The following ADAM23 variants were observed in gnomAD, a reference collection of about 807,000 sequenced individuals.
ADAM23 encodes ADAM metallopeptidase domain 23, also known as disintegrin and metalloproteinase domain-containing protein 23.
ADAM23 carries 33 observed loss-of-function variants against 120.1 expected under a neutral mutation model. The observed-to-expected ratio is 0.27, with a 90% CI of 0.21 to 0.37. ADAM23 has a LOEUF of 0.37. Among genes scored for constraint, ADAM23 ranks in the 10% least tolerant of loss-of-function variants. The probability of loss-of-function intolerance (pLI) is 1.00; values close to 1 mark genes in which losing one functional copy is unlikely to be tolerated. For missense variants in ADAM23, 862 were observed against 1,058.2 expected (o/e 0.81, Z 2.57); for synonymous variants, 367 against 375.2 (o/e 0.98, Z 0.25).
chr2:206,591,171 T>C (rs1283960923), intron 21 of ADAM23, among the ~76,000 whole-genome samples: 1 of 152,138 alleles, frequency 6.6e-6, no homozygotes, highest in Non-Finnish European at 1.5e-5. Flanking sequence ...ATCTCTATTT[T>C]TTTTTTAAGT....
chr2:206,588,149 G>T lies in ADAM23; in HGVS notation c.1847G>T (p.Gly616Val). Residue 616 changes from glycine to valine, a missense_variant, in exon 20 of 26, where the codon GGA (glycine) becomes GTA (valine). Gly to Val is a moderately radical substitution (Grantham distance 109). This residue lies in a region of ADAM23 where 617 missense variants were observed against 813.5 expected (regional missense o/e 0.76). Coordinates refer to ENST00000264377, the MANE Select transcript of ADAM23 (RefSeq NM_003812.4). ...GACAACCAGTGTCAGTACATCTGGG[G>T]AACAAGTAGGTCGCACCTCCTTGCT... ...TRDNQCQYIW[G>V]TKAAGSDKFC... is the part of the protein sequence containing the mutation. 6.2e-7 allele frequency: 1 copy of T among 1,613,976 alleles called. No individual in the cohort carries two copies. The highest frequency in any genetic ancestry group is 8.5e-7 in the Non-Finnish European group (1 of 1,179,916).
Position 206,562,268 on chromosome 2 carries a change from A to G in ADAM23, c.1320A>G (p.Gln440=), listed in dbSNP as rs763169892. The change falls in exon 13 of 26, where the codon CAA becomes CAG. Residue 440 remains glutamine (Q), a synonymous_variant. Transcript: ENST00000264377. Reference sequence around the variant, plus strand: ...GCCTGGCTCAAAACCTTGGAATCCAATGGGAACCTTCTAGCAGAAAGCCAA... The same window carrying G: ...GCCTGGCTCAAAACCTTGGAATCCAGTGGGAACCTTCTAGCAGAAAGCCAA... ...SQSLAQNLGI[Q]WEPSSRKPKC... 6.8e-6 allele frequency: 11 copies of G among 1,613,954 alleles called. No homozygotes were observed. Among genetic ancestry groups the G allele is most frequent in the Admixed American group, 1.7e-5 (1 of 60,008 alleles).
chr2:206,496,820 A>G (rs530801191), intron 3 of ADAM23, among the ~76,000 whole-genome samples: 2 of 152,362 alleles, frequency 1.3e-5, no homozygotes, highest in Non-Finnish European at 2.9e-5. Context: ...CAAAGGGGAT[A>G]TCACCACCGA....
At chr2:206,467,856 C>T (rs2105865692) in intron 2 of ADAM23, among the ~76,000 whole-genome samples, 1 of 152,290 alleles carries the variant, frequency 6.6e-6, no homozygotes, top group East Asian at 1.9e-4. Context: ...GCAGAGGTTC[C>T]CAAGCCTCAA....
chr2:206,616,999 G>A (rs1698946556), intron 25 of ADAM23, among the ~76,000 whole-genome samples: 2 of 152,144 alleles, frequency 1.3e-5, no homozygotes, highest in South Asian at 2.1e-4. Flanking sequence ...TGAGTGTACT[G>A]TCTTACTGTG....
At chr2:206,468,462 C>T (rs973274585) in intron 2 of ADAM23, among the ~76,000 whole-genome samples, 4 of 152,138 alleles carry the variant, frequency 2.6e-5, no homozygotes, top group African/African-American at 9.7e-5. Context: ...GGGCACAGTC[C>T]AGCCAAAGTA....
intron 2 of ADAM23, among the ~76,000 whole-genome samples, chr2:206,462,884 C>A (rs1198893650): frequency 1.3e-5 from 2 of 152,002 alleles, no homozygotes; most frequent in Non-Finnish European, 2.9e-5. Flanking sequence ...AAGGAAATAA[C>A]ATTACCTGAT....
At chr2:206,540,216 T>TACAC (rs71034461) in intron 4 of ADAM23, among the ~76,000 whole-genome samples, 4,549 of 131,818 alleles carry the variant, frequency 0.035, 116 homozygotes, top group African/African-American at 0.058. Context: ...CCCTTCACTG[T>TACAC]ACACACACAC....
intron 2 of ADAM23, among the ~76,000 whole-genome samples, chr2:206,460,944 A>AT (rs1385752442): frequency 2.0e-5 from 3 of 151,706 alleles, no homozygotes; most frequent in Non-Finnish European, 4.4e-5. Flanking sequence ...CTTTATTTTA[A>AT]TTTTTTGCAT....
At chr2:206,471,071 A>G (rs1406400368) in intron 2 of ADAM23, among the ~76,000 whole-genome samples, 3 of 152,204 alleles carry the variant, frequency 2.0e-5, no homozygotes, top group Non-Finnish European at 2.9e-5. Context: ...TATGAAACCT[A>G]TCAACAAGGA....
chr2:206,447,728 G>T (rs1022563397), intron 2 of ADAM23, among the ~76,000 whole-genome samples: 7 of 152,194 alleles, frequency 4.6e-5, no homozygotes, highest in Non-Finnish European at 8.8e-5. Flanking sequence ...TTTATGTAAA[G>T]AAGTTTTTAA....
chr2:206,456,479 G>A (rs868462412), intron 2 of ADAM23, among the ~76,000 whole-genome samples: 11 of 152,004 alleles, frequency 7.2e-5, no homozygotes, highest in African/African-American at 2.2e-4. Context: ...TGGGAAATCC[G>A]TCCCCATGAT....
chr2:206,497,106 T>G (rs1006105114), intron 3 of ADAM23, among the ~76,000 whole-genome samples: 9 of 152,202 alleles, frequency 5.9e-5, no homozygotes, highest in Non-Finnish European at 1.0e-4. Context: ...CTTCTGAAAC[T>G]ATTCCAATCA....
intron 2 of ADAM23, among the ~76,000 whole-genome samples, chr2:206,471,369 T>G (rs556549472): frequency 4.6e-5 from 7 of 152,332 alleles, no homozygotes; most frequent in African/African-American, 1.4e-4. Context: ...TGCCTTGGAT[T>G]GATATTTGCA....
intron 3 of ADAM23, among the ~76,000 whole-genome samples, chr2:206,495,189 C>T (rs1024419954): frequency 3.3e-5 from 5 of 152,044 alleles, no homozygotes; most frequent in African/African-American, 9.7e-5. Flanking sequence ...CTCCAAGACA[C>T]ATAATTGTCA....
chr2:206,555,351 CT>C (rs1697621581), intron 9 of ADAM23, among the ~76,000 whole-genome samples: 2 of 152,174 alleles, frequency 1.3e-5, no homozygotes, highest in African/African-American at 2.4e-5. Context: ...TAATTCTTCT[CT>C]TTCCTCACCT....
chr2:206,444,827 T>A (rs560917889), intron 1 of ADAM23, among the ~76,000 whole-genome samples: 3 of 152,344 alleles, frequency 2.0e-5, no homozygotes, highest in South Asian at 2.1e-4. Flanking sequence ...TAATATTCGG[T>A]ATCCATAAAT....
intron 9 of ADAM23, among the ~76,000 whole-genome samples, chr2:206,554,518 A>T (rs949998714): frequency 3.9e-5 from 6 of 152,210 alleles, no homozygotes; most frequent in Non-Finnish European, 8.8e-5. Flanking sequence ...ATATTTTTCA[A>T]TTTAAACCTC....
At chr2:206,558,323 TC>T (rs1697687494) in intron 10 of ADAM23, among the ~76,000 whole-genome samples, 1 of 152,214 alleles carries the variant, frequency 6.6e-6, no homozygotes, top group African/African-American at 2.4e-5. Flanking sequence ...TATTGTGTGT[TC>T]CTTCTTAAAT....
Sources: gnomAD v4.1 joint callset for allele counts (sites outside exome capture counted in the v4.1 genomes callset) on GRCh38, gnomAD v4.1.1 for gene constraint, gnomAD v4.1.1 regional missense constraint, MANE v1.5 for transcripts, NCBI Gene and HGNC (gene_info 2026-07-23, HGNC 2026-07-21) for gene names.